The following SCAPER variants were observed in gnomAD, a reference collection of about 807,000 sequenced individuals.
SCAPER encodes the protein S-phase cyclin A associated protein in the ER.
Under a neutral mutation model 182.2 loss-of-function variants are expected in SCAPER, and 98 were observed. That is an observed-to-expected ratio of 0.54 (90% CI 0.46 to 0.64). The LOEUF (loss-of-function observed/expected upper bound fraction) is 0.64, where lower values mean the gene tolerates loss of function less well. SCAPER is among the 30% of genes least tolerant of loss of function. The pLI is 0.00. For synonymous variants in SCAPER, 605 were observed against 564.6 expected, an observed-to-expected ratio of 1.07 and a Z score of -1.01; for missense variants, 1,432 against 1,690.0, an observed-to-expected ratio of 0.85 and a Z score of 2.68.
At chr15:76,607,318 T>C (rs1200922251) in intron 22 of SCAPER, among the ~76,000 whole-genome samples, 1 of 152,258 alleles carries the variant, frequency 6.6e-6, no homozygotes, top group Non-Finnish European at 1.5e-5. Context: ...TGAAAATTCT[T>C]TTCTTTAACA....
chr15:76,844,616 G>C (rs2069854348), intron 4 of SCAPER, among the ~76,000 whole-genome samples: 1 of 152,078 alleles, frequency 6.6e-6, no homozygotes, highest in African/African-American at 2.4e-5. Flanking sequence ...AAAATCTAGA[G>C]AGAATGGATA....
intron 20 of SCAPER, among the ~76,000 whole-genome samples, chr15:76,675,240 C>T (rs1413336978): frequency 6.6e-6 from 1 of 152,180 alleles, no homozygotes; most frequent in Non-Finnish European, 1.5e-5. Flanking sequence ...CCATGTTTGG[C>T]TTGCCAAATA....
intron 24 of SCAPER, among the ~76,000 whole-genome samples, chr15:76,494,000 T>TA (rs1487599580): frequency 6.6e-6 from 1 of 152,228 alleles, no homozygotes; most frequent in Non-Finnish European, 1.5e-5. Context: ...AATAGATATT[T>TA]AAAATTATAT....
At chr15:76,433,300 G>A (rs577321741) in intron 26 of SCAPER, among the ~76,000 whole-genome samples, 2 of 152,280 alleles carry the variant, frequency 1.3e-5, no homozygotes, top group East Asian at 3.9e-4. Context: ...TTGTGGTCAA[G>A]AGTTTGAGAC....
intron 23 of SCAPER, among the ~76,000 whole-genome samples, chr15:76,542,816 C>T (rs758694044): frequency 4.6e-5 from 7 of 151,974 alleles, no homozygotes; most frequent in African/African-American, 7.2e-5. Context: ...ACCCTTTGTA[C>T]GGTGCCAAGT....
chr15:76,399,999 C>T (rs1290994773), intron 27 of SCAPER, among the ~76,000 whole-genome samples: 53 of 105,138 alleles, frequency 5.0e-4, no homozygotes, highest in Non-Finnish European at 6.8e-4. Flanking sequence ...AGCGAGACTC[C>T]GTCTCAAAAA....
chr15:76,467,400 T>G (rs1231974223), intron 25 of SCAPER, among the ~76,000 whole-genome samples: 1 of 151,202 alleles, frequency 6.6e-6, no homozygotes, highest in East Asian at 2.0e-4. Flanking sequence ...TGCCCCACTC[T>G]TCTCTCTCCC....
At chr15:76,845,017 G>T (rs114100890) in intron 4 of SCAPER, among the ~76,000 whole-genome samples, 4 of 152,040 alleles carry the variant, frequency 2.6e-5, no homozygotes, top group Non-Finnish European at 4.4e-5. Context: ...ACATTAAAAA[G>T]ATCATTCATC....
At chr15:76,352,617 G>C (rs1014027358) in intron 30 of SCAPER, among the ~76,000 whole-genome samples, 2 of 151,714 alleles carry the variant, frequency 1.3e-5, no homozygotes, top group Non-Finnish European at 2.9e-5. Context: ...GAGTAGCTGG[G>C]ATTACAGGTG....
At chr15:76,585,114 C>T (rs544840773) in intron 22 of SCAPER, among the ~76,000 whole-genome samples, 9 of 152,126 alleles carry the variant, frequency 5.9e-5, no homozygotes, top group African/African-American at 2.2e-4. Flanking sequence ...TGTATAAACC[C>T]TGGGGAGGTT....
In SCAPER at chr15:76,651,172, C is replaced by T. The variant is rs995457358; in HGVS notation, c.2645+14481G>A. 3.3e-5 allele frequency among the ~76,000 whole-genome samples: 5 copies of T among 151,690 alleles called. No homozygotes were observed. The South Asian group carries it at 8.3e-4, about 25-fold the overall frequency. On this transcript the variant is annotated intron_variant, in intron 21 of 31. Coordinates refer to ENST00000563290, the MANE Select transcript of SCAPER (RefSeq NM_020843.4). ...AATAATAAAGAACATGAAATAAAAA[C>T]GAACAAACAAAAATCAAATGCAGCA...
chr15:76,849,869 T>C (rs566692477), intron 4 of SCAPER, among the ~76,000 whole-genome samples: 1 of 152,254 alleles, frequency 6.6e-6, no homozygotes, highest in Non-Finnish European at 1.5e-5. Context: ...CTTACAACCA[T>C]GGCGGAAGGC....
intron 23 of SCAPER, among the ~76,000 whole-genome samples, chr15:76,513,507 A>G (rs1348649823): frequency 6.6e-6 from 1 of 152,228 alleles, no homozygotes; most frequent in East Asian, 1.9e-4. Context: ...ATGTGGCGTT[A>G]AATACCTTAT....
chr15:76,381,528 A>G lies in SCAPER; in HGVS notation c.3555T>C (p.His1185=). The change falls in exon 28 of 32, where the codon CAT becomes CAC. Residue 1185 remains histidine, a synonymous_variant. Transcript: ENST00000563290. ...LQATDLAGVL[H]MLYCVLFHGT... ...CATGGAAGAGGACACAGTAGAGCAT[A>G]TGAAGAACTCCAGCCAGGTCGGTTG... 1.9e-6 allele frequency: 3 copies of G among 1,613,232 alleles called. No homozygotes were observed. The highest frequency in any genetic ancestry group is 2.5e-6 in the Non-Finnish European group (3 of 1,179,622).
intron 20 of SCAPER, among the ~76,000 whole-genome samples, chr15:76,682,009 C>A (rs966614441): frequency 6.6e-6 from 1 of 152,170 alleles, no homozygotes; most frequent in Non-Finnish European, 1.5e-5. Flanking sequence ...ATGCTAGCCT[C>A]TCCTGCAGCC....
At chr15:76,625,208 T>C (rs2052457215) in intron 21 of SCAPER, among the ~76,000 whole-genome samples, 1 of 152,076 alleles carries the variant, frequency 6.6e-6, no homozygotes. Context: ...CTAGCTTTGG[T>C]AGGCCAGCAT....
intron 24 of SCAPER, among the ~76,000 whole-genome samples, chr15:76,476,407 C>G (rs2050632412): frequency 6.6e-6 from 1 of 151,384 alleles, no homozygotes; most frequent in South Asian, 2.1e-4. Context: ...CCTTCCTTTC[C>G]CTTCCTTTCC....
intron 15 of SCAPER, among the ~76,000 whole-genome samples, chr15:76,744,149 T>C (rs1212987724): frequency 6.6e-6 from 1 of 152,162 alleles, no homozygotes; most frequent in Non-Finnish European, 1.5e-5. Flanking sequence ...TAAGATGGAT[T>C]AAAGATTTAA....
chr15:76,760,777 C>T (rs927764663), intron 14 of SCAPER, among the ~76,000 whole-genome samples: 3 of 152,184 alleles, frequency 2.0e-5, no homozygotes, highest in Non-Finnish European at 2.9e-5. Flanking sequence ...GGTCAAAGAT[C>T]ACATATTGGA....
Sources: gnomAD v4.1 joint callset for allele counts (sites outside exome capture counted in the v4.1 genomes callset) on GRCh38, gnomAD v4.1.1 for gene constraint, MANE v1.5 for transcripts, NCBI Gene and HGNC (gene_info 2026-07-23, HGNC 2026-07-21) for gene names.